The following NPAS2 variants were observed in gnomAD, a reference collection of about 807,000 sequenced individuals.
NPAS2 encodes neuronal PAS domain protein 2, also known as neuronal PAS domain-containing protein 2.
Under a neutral mutation model 107.5 loss-of-function variants are expected in NPAS2, and 23 were observed. The ratio of observed to expected loss-of-function variants is 0.21; its 90% CI spans 0.15 to 0.30. The LOEUF (loss-of-function observed/expected upper bound fraction) is 0.30, where lower values mean the gene tolerates loss of function less well. Among genes scored for constraint, NPAS2 ranks in the 10% least tolerant of loss-of-function variants. The pLI is 1.00. For missense variants in NPAS2, 756 were observed against 1,043.3 expected, an observed-to-expected ratio of 0.72 and a Z score of 3.79; for synonymous variants, 403 against 417.5, an observed-to-expected ratio of 0.97 and a Z score of 0.42.
At position 100,977,418 on chromosome 2, in the gene NPAS2, G is replaced by A. The variant is rs536207361; in HGVS notation, c.1393-292G>A. On this transcript the variant is annotated intron_variant, in intron 14 of 20. Coordinates refer to ENST00000335681, the MANE Select transcript of NPAS2 (RefSeq NM_002518.4). ...ACCCAGGGCGGAGTCCAGGACAGCAGGCAAGGGAAGGGAAGTAGAGCTGAG... is the reference window on the plus strand; with the variant it reads ...ACCCAGGGCGGAGTCCAGGACAGCAAGCAAGGGAAGGGAAGTAGAGCTGAG... Among the ~76,000 whole-genome samples, 14 of 152,312 alleles carry A rather than the reference G, an allele frequency of 9.2e-5. No homozygotes were observed. In the South Asian group the frequency reaches 1.9e-3, roughly 20 times the overall value.
intron 15 of NPAS2, among the ~76,000 whole-genome samples, chr2:100,978,567 G>A (rs1469262949): frequency 5.3e-5 from 8 of 152,112 alleles, no homozygotes; most frequent in African/African-American, 1.9e-4. Context: ...AAAGGATTAC[G>A]GCTTTGCTGA....
At chr2:100,832,891 G>A (rs1676832091) in intron 1 of NPAS2, among the ~76,000 whole-genome samples, 1 of 152,152 alleles carries the variant, frequency 6.6e-6, no homozygotes, top group African/African-American at 2.4e-5. Context: ...CGTGCCATGT[G>A]TCTAAGCACA....
chr2:100,878,267 G>T (rs1357929777), intron 1 of NPAS2: 2 of 985,268 alleles, frequency 2.0e-6, no homozygotes, highest in African/African-American at 3.5e-5. Context: ...CGAGGAGCTC[G>T]GGAGGGAGCC....
intron 1 of NPAS2, among the ~76,000 whole-genome samples, chr2:100,836,990 G>A (rs914429758): frequency 6.6e-6 from 1 of 152,154 alleles, no homozygotes; most frequent in Non-Finnish European, 1.5e-5. Context: ...GAACACTTTA[G>A]TGTGGCTCAT....
intron 12 of NPAS2, among the ~76,000 whole-genome samples, chr2:100,974,008 A>T (rs1676784855): frequency 6.6e-6 from 1 of 151,674 alleles, no homozygotes; most frequent in Admixed American, 6.6e-5. Flanking sequence ...CGTCCAGCTA[A>T]TTTTTGTATT....
chr2:100,844,052 T>G (rs990105535), intron 1 of NPAS2, among the ~76,000 whole-genome samples: 1 of 152,198 alleles, frequency 6.6e-6, no homozygotes, highest in African/African-American at 2.4e-5. Flanking sequence ...CTGCCCATAG[T>G]ACACAGACTC....
intron 1 of NPAS2, among the ~76,000 whole-genome samples, chr2:100,842,185 G>GAT (rs1233914996): frequency 6.6e-6 from 1 of 152,112 alleles, no homozygotes; most frequent in Non-Finnish European, 1.5e-5. Context: ...ATGAAGCCTA[G>GAT]ATCTTAGAGA....
chr2:100,856,343 C>A (rs1016555630), intron 1 of NPAS2, among the ~76,000 whole-genome samples: 2 of 152,156 alleles, frequency 1.3e-5, no homozygotes, highest in African/African-American at 4.8e-5. Context: ...CATGACTATC[C>A]ACATTCCCGA....
rs188257170 is a variant in NPAS2, at chr2:100,842,405, T to C, written c.-23+21991T>C. 3.9e-5 allele frequency among the ~76,000 whole-genome samples: 6 copies of C among 152,170 alleles called. No individual in the cohort carries two copies. The East Asian group carries it at 1.2e-3, about 29-fold the overall frequency. Reference sequence around the variant, plus strand: ...TGCATCGTGCGCCATCCCTTGTCAATGGGAGCTAGTCTGCGCCCACATAGA... The same window carrying C: ...TGCATCGTGCGCCATCCCTTGTCAACGGGAGCTAGTCTGCGCCCACATAGA... On this transcript the variant is annotated intron_variant, in intron 1 of 20. Coordinates refer to ENST00000335681, the MANE Select transcript of NPAS2 (RefSeq NM_002518.4).
rs754514291 is a variant in NPAS2 at position 100,937,777 on chromosome 2, G to C, written c.298G>C (p.Val100Leu). The C allele has an allele frequency of 1.5e-5, 25 of 1,614,160 alleles. No individual in the cohort carries two copies. Among genetic ancestry groups the C allele is most frequent in the Middle Eastern group, 1.6e-4 (1 of 6,062 alleles). ...GGCATTAGATGGCTTCATTATCGCA[G>C]TGACAACAGACGGCAGCATCATCTA... ...LEALDGFIIA[V>L]TTDGSIIYVS... The change falls in exon 5 of 21, where the codon GTG becomes CTG. Residue 100 changes from valine to leucine, a missense_variant. This residue lies in a region of NPAS2 where 146 missense variants were observed against 249.6 expected (regional missense o/e 0.58). Transcript: ENST00000335681.
Position 100,904,728 on chromosome 2 carries a change from T to C in NPAS2, c.-22-5T>C. 1 of 1,435,012 alleles carries C rather than the reference T, an allele frequency of 7.0e-7. No homozygotes were observed. 88.9% of individuals were successfully genotyped at this position (1,435,012 alleles called of 1,614,324 possible). On this transcript the variant is annotated splice_polypyrimidine_tract_variant and splice_region_variant and intron_variant, in intron 1 of 20. Transcript: ENST00000335681. ...TCTTTTTAATTTTTTTTTTTTTTTT[T>C]GCAGGAAAAACTGCATAGAAAATCT... is the stretch of plus-strand genomic sequence containing the variant.
intron 2 of NPAS2, among the ~76,000 whole-genome samples, chr2:100,912,144 G>A (rs776378218): frequency 6.6e-6 from 1 of 152,128 alleles, no homozygotes; most frequent in Non-Finnish European, 1.5e-5. Context: ...TCAGTCGTAG[G>A]CACTGTGGAG....
chr2:100,932,752 C>T (rs1245171445), intron 3 of NPAS2, among the ~76,000 whole-genome samples, 158 bp from the exon 4 acceptor site: 1 of 152,246 alleles, frequency 6.6e-6, no homozygotes, highest in East Asian at 1.9e-4. Flanking sequence ...GCTCCCAGTC[C>T]TTGGAAATCA....
At chr2:100,943,634 A>G (rs1273302665) in intron 5 of NPAS2, among the ~76,000 whole-genome samples, 3 of 152,230 alleles carry the variant, frequency 2.0e-5, no homozygotes, top group African/African-American at 7.2e-5. Context: ...GGGCTATGGG[A>G]AGCAGGCTGT....
At chr2:100,964,840 T>A (rs1233800137) in intron 8 of NPAS2, 21 bp from the exon 9 acceptor site, 1 of 1,560,978 alleles carries the variant, frequency 6.4e-7, no homozygotes, top group Admixed American at 2.0e-5. Flanking sequence ...AACTTTTTTT[T>A]TTTTTCTGCT....
intron 1 of NPAS2, among the ~76,000 whole-genome samples, chr2:100,854,262 T>G (rs1333409312): frequency 1.3e-5 from 2 of 148,804 alleles, no homozygotes; most frequent in Admixed American, 1.3e-4. Flanking sequence ...CTCCTAGGCA[T>G]GGAGTGGGAG....
intron 1 of NPAS2, among the ~76,000 whole-genome samples, chr2:100,864,065 G>T (rs1035292688): frequency 3.9e-5 from 6 of 152,202 alleles, no homozygotes; most frequent in African/African-American, 1.2e-4. Flanking sequence ...ATGAAGATGG[G>T]ATGTGTAGTG....
chr2:100,904,721 T>C lies in NPAS2; in HGVS notation c.-22-12T>C. The C allele has an allele frequency of 6.5e-7, 1 of 1,545,188 alleles. No homozygotes were observed. Among genetic ancestry groups the C allele is most frequent in the Non-Finnish European group, 8.8e-7 (1 of 1,133,700 alleles). On this transcript the variant is annotated splice_polypyrimidine_tract_variant and intron_variant, in intron 1 of 20. Coordinates refer to ENST00000335681, the MANE Select transcript of NPAS2 (RefSeq NM_002518.4). ...TATCCATTCTTTTTAATTTTTTTTT[T>C]TTTTTTTGCAGGAAAAACTGCATAG... is the stretch of plus-strand genomic sequence containing the variant.
chr2:100,910,939 G>A lies in NPAS2; in HGVS notation c.32+6153G>A, dbSNP rs564661510. On this transcript the variant is annotated intron_variant, in intron 2 of 20. Transcript: ENST00000335681. ...GCCTGGGCTATGGAAGTGAGGGGTT[G>A]TGCACCTGTCTCCAGACTCTAAGCC... Among the ~76,000 whole-genome samples, 4 of 152,296 alleles carry A rather than the reference G, an allele frequency of 2.6e-5. No homozygotes were observed. In the South Asian group the frequency reaches 8.3e-4, roughly 32 times the overall value.
Sources: gnomAD v4.1 joint callset for allele counts (sites outside exome capture counted in the v4.1 genomes callset) on GRCh38, gnomAD v4.1.1 for gene constraint, gnomAD v4.1.1 regional missense constraint, MANE v1.5 for transcripts, NCBI Gene and HGNC (gene_info 2026-07-23, HGNC 2026-07-21) for gene names.